The following KIAA1328 variants were observed in gnomAD, a reference collection of about 807,000 sequenced individuals.
KIAA1328 encodes the protein protein hinderin.
In KIAA1328, 52 loss-of-function variants were observed where a neutral mutation model predicts 68.1. The ratio of observed to expected loss-of-function variants is 0.76; its 90% CI spans 0.61 to 0.96. The LOEUF is 0.96. Among genes scored for constraint, KIAA1328 ranks in the 40% least tolerant of loss-of-function variants. KIAA1328 has a pLI of 0.00. For synonymous variants in KIAA1328, 232 were observed against 239.4 expected (o/e 0.97, Z 0.28); for missense variants, 641 against 677.6 (o/e 0.95, Z 0.60).
At chr18:37,181,334 A>C (rs574104848) in intron 9 of KIAA1328, among the ~76,000 whole-genome samples, 5 of 152,242 alleles carry the variant, frequency 3.3e-5, no homozygotes, top group African/African-American at 1.2e-4. Context: ...CCAAGAGGGT[A>C]AAAAGCCCAG....
chr18:36,831,975 A>G (rs1404328097), intron 1 of KIAA1328, among the ~76,000 whole-genome samples: 2 of 152,236 alleles, frequency 1.3e-5, no homozygotes, highest in Admixed American at 6.5e-5. Flanking sequence ...TAAACTGTAC[A>G]ATTTAACTAC....
At chr18:37,221,955 C>T (rs2060571538) in intron 9 of KIAA1328, 62 bp from the exon 10 acceptor site, 3 of 1,516,890 alleles carry the variant, frequency 2.0e-6, no homozygotes, top group Non-Finnish European at 2.7e-6. Flanking sequence ...TTCTGCTGGG[C>T]TTCTTGAATT....
intron 5 of KIAA1328, among the ~76,000 whole-genome samples, chr18:36,944,815 C>T (rs1028327336): frequency 2.6e-5 from 4 of 152,112 alleles, no homozygotes; most frequent in African/African-American, 4.8e-5. Flanking sequence ...CAGGTTGTTA[C>T]ATTTAACAAT....
intron 7 of KIAA1328, among the ~76,000 whole-genome samples, chr18:37,158,086 G>C (rs567096372): frequency 6.6e-6 from 1 of 151,278 alleles, no homozygotes; most frequent in Admixed American, 6.6e-5. Context: ...AGGCTGGAGT[G>C]CAGTGGCATG....
intron 6 of KIAA1328, among the ~76,000 whole-genome samples, chr18:37,061,780 A>G (rs973828034): frequency 2.0e-5 from 3 of 152,178 alleles, no homozygotes; most frequent in East Asian, 3.9e-4. Flanking sequence ...GGGGTTTTCA[A>G]TTTCTATTGT....
chr18:37,135,677 G>C (rs1215759259), intron 7 of KIAA1328, among the ~76,000 whole-genome samples: 2 of 152,118 alleles, frequency 1.3e-5, no homozygotes, highest in African/African-American at 4.8e-5. Flanking sequence ...CTGTGCAGGA[G>C]CTCTTTAATT....
At chr18:37,106,422 CTTTTT>C (rs1314317662) in intron 7 of KIAA1328, among the ~76,000 whole-genome samples, 1 of 140,196 alleles carries the variant, frequency 7.1e-6, no homozygotes, top group Admixed American at 7.2e-5. Context: ...CTAAAAATCA[CTTTTT>C]TTTTTTTTTT....
chr18:37,081,367 G>A (rs1425924533), intron 7 of KIAA1328, among the ~76,000 whole-genome samples: 8 of 152,142 alleles, frequency 5.3e-5, no homozygotes, highest in African/African-American at 1.9e-4. Flanking sequence ...GTGAAACCCA[G>A]AACTAGGACC....
rs997606313 is a variant in KIAA1328, at chr18:37,224,992, T to G, written c.*2765T>G. ...ACAGTCCGCTTTCCAGGAGGCAAAC[T>G]TGTGTTTATCCAAACCTGATCCCCA... On this transcript the variant is annotated 3_prime_UTR_variant, in exon 10 of 10. Coordinates refer to ENST00000280020, the MANE Select transcript of KIAA1328 (RefSeq NM_020776.3). The G allele has an allele frequency of 1.0e-6, 1 of 985,346 alleles. No homozygotes were observed. The highest frequency in any genetic ancestry group is 1.2e-6 in the Non-Finnish European group (1 of 829,956). The allele number at this position is 985,346 out of a possible 1,614,324, so 61.0% of individuals were successfully genotyped here.
chr18:37,090,743 A>C (rs1009257097), intron 7 of KIAA1328, among the ~76,000 whole-genome samples: 4 of 152,212 alleles, frequency 2.6e-5, no homozygotes, highest in African/African-American at 7.2e-5. Flanking sequence ...GCAAGTGTAT[A>C]GTCTTATATT....
chr18:37,094,561 T>C (rs1394435052), intron 7 of KIAA1328, among the ~76,000 whole-genome samples: 1 of 151,992 alleles, frequency 6.6e-6, no homozygotes, highest in Non-Finnish European at 1.5e-5. Context: ...TAACAGTCAC[T>C]AATGAAGCAG....
intron 7 of KIAA1328, among the ~76,000 whole-genome samples, chr18:37,082,661 A>C (rs1275984481): frequency 6.6e-6 from 1 of 152,204 alleles, no homozygotes. Flanking sequence ...TAAATTTGGC[A>C]TGACATTGGC....
intron 7 of KIAA1328, among the ~76,000 whole-genome samples, chr18:37,159,288 T>G (rs1412528206): frequency 1.3e-5 from 2 of 152,190 alleles, no homozygotes; most frequent in Admixed American, 1.3e-4. Context: ...CTGGAGTAAG[T>G]GATAGACCTG....
In KIAA1328 at chr18:37,112,546, G is replaced by C. The variant is rs546835485; in HGVS notation, c.1232+45001G>C. Among the ~76,000 whole-genome samples, 16 of 152,232 alleles carry C rather than the reference G, an allele frequency of 1.1e-4. No individual in the cohort carries two copies. In the South Asian group the frequency reaches 3.3e-3, roughly 32 times the overall value. The stretch of plus-strand genomic sequence containing the variant: ...AAAGGTAGATAAAACCACAAAGATG[G>C]GGAGAAACCAGAGCAGAAAAGCTGA... On this transcript the variant is annotated intron_variant, in intron 7 of 9. Coordinates refer to ENST00000280020, the MANE Select transcript of KIAA1328 (RefSeq NM_020776.3).
At chr18:37,107,154 A>C (rs1268388156) in intron 7 of KIAA1328, among the ~76,000 whole-genome samples, 2 of 152,208 alleles carry the variant, frequency 1.3e-5, no homozygotes, top group Non-Finnish European at 2.9e-5. Context: ...AGACAGGAGA[A>C]TGGCTTGAGC....
chr18:37,139,050 G>A (rs1293637410), intron 7 of KIAA1328, among the ~76,000 whole-genome samples: 1 of 140,422 alleles, frequency 7.1e-6, no homozygotes, highest in African/African-American at 2.8e-5. Flanking sequence ...TCCGCCTCCC[G>A]GGTTCACGCC....
intron 6 of KIAA1328, among the ~76,000 whole-genome samples, chr18:36,990,760 T>C (rs1448934798): frequency 6.6e-6 from 1 of 152,100 alleles, no homozygotes; most frequent in Non-Finnish European, 1.5e-5. Flanking sequence ...CATGTAACTT[T>C]GAACATGTTT....
intron 5 of KIAA1328, among the ~76,000 whole-genome samples, chr18:36,928,550 A>G (rs1195188409): frequency 6.6e-6 from 1 of 152,194 alleles, no homozygotes; most frequent in Non-Finnish European, 1.5e-5. Context: ...CAAATGTGAA[A>G]TATTGTTGCC....
intron 4 of KIAA1328, among the ~76,000 whole-genome samples, chr18:36,848,360 A>G (rs1411059480): frequency 6.6e-6 from 1 of 151,320 alleles, no homozygotes; most frequent in African/African-American, 2.4e-5. Flanking sequence ...TCAATATTCA[A>G]TTTTTTGATT....
Sources: allele counts gnomAD v4.1 joint callset (sites outside exome capture counted in the v4.1 genomes callset), GRCh38; gene constraint gnomAD v4.1.1; transcripts MANE v1.5; gene names NCBI Gene and HGNC (gene_info 2026-07-23, HGNC 2026-07-21).